The following ZNF665 variants were observed in gnomAD, a reference collection of about 807,000 sequenced individuals.
ZNF665 encodes the protein zinc finger protein 665.
ZNF665 carries 6 observed loss-of-function variants against 7.9 expected under a neutral mutation model. The observed-to-expected ratio is 0.76, with a 90% CI of 0.42 to 1.50. The LOEUF is 1.50. Ranked by LOEUF, ZNF665 falls within the 40% of genes most tolerant of loss-of-function variation. The probability of loss-of-function intolerance (pLI) is 0.01; values close to 1 mark genes in which losing one functional copy is unlikely to be tolerated. For missense variants in ZNF665, 819 were observed against 806.7 expected (o/e 1.02, Z -0.18); for synonymous variants, 242 against 274.5 (o/e 0.88, Z 1.17).
intron 2 of ZNF665, chr19:53,182,548 C>A: frequency 1.5e-6 from 1 of 678,718 alleles, no homozygotes; most frequent in East Asian, 2.7e-5. Flanking sequence ...TCTCTTATCA[C>A]AGTTTACACA....
At chr19:53,193,241 C>T (rs1009039083) in intron 1 of ZNF665, 71 bp downstream of exon 1, 3 of 152,156 alleles carry the variant, frequency 2.0e-5, no homozygotes, top group African/African-American at 7.2e-5. Context: ...CTATACGAAC[C>T]CCCGGACATC....
chr19:53,181,954 A>C (rs2090740573), intron 2 of ZNF665: 1 of 152,290 alleles, frequency 6.6e-6, no homozygotes, highest in Non-Finnish European at 1.5e-5. Context: ...ATGCAGTGTC[A>C]CTGCAAGAAA....
intron 2 of ZNF665, 28 bp from the exon 3 acceptor site, chr19:53,175,599 T>C (rs1221810582): frequency 6.3e-7 from 1 of 1,576,750 alleles, no homozygotes; most frequent in African/African-American, 1.4e-5. Context: ...TTTCACCAAG[T>C]GACTATGAGG....
chr19:53,177,771 A>G (rs997055583), intron 2 of ZNF665, among the ~76,000 whole-genome samples: 1 of 152,208 alleles, frequency 6.6e-6, no homozygotes, highest in African/African-American at 2.4e-5. Context: ...GGATTTAAGA[A>G]CAATGCCCAT....
intron 1 of ZNF665, among the ~76,000 whole-genome samples, chr19:53,192,497 T>C (rs1285728123): frequency 1.3e-5 from 2 of 152,206 alleles, no homozygotes; most frequent in African/African-American, 4.8e-5. Context: ...CTCCAGTTGT[T>C]TCTCCATCCT....
At chr19:53,171,457 C>T (rs867370206) in intron 3 of ZNF665, among the ~76,000 whole-genome samples, 11 of 133,764 alleles carry the variant, frequency 8.2e-5, no homozygotes, top group Middle Eastern at 4.3e-3. Context: ...AAAATTAGTT[C>T]TATACAATTA....
At position 53,165,724 on chromosome 19, in the gene ZNF665, G is replaced by T. The variant is rs771945160; in HGVS notation, c.766C>A (p.His256Asn). The change falls in exon 4 of 4, where the codon CAT becomes AAT. Residue 256 changes from histidine to asparagine, a missense_variant. Physicochemically the swap from His to Asn is moderately conservative, Grantham distance 68 (BLOSUM62 1). Transcript: ENST00000396424. The stretch of plus-strand genomic sequence containing the variant: ...CACTTGTAAGGTTTCTCTCCAGTAT[G>T]AATTCTCTGATGACCTGCAAGGTTT... ...PSNLAGHQRI[H>N]TGEKPYKCNE... 1 of 1,614,148 alleles carries T rather than the reference G, an allele frequency of 6.2e-7. No individual in the cohort carries two copies. Among genetic ancestry groups the T allele is most frequent in the Non-Finnish European group, 8.5e-7 (1 of 1,180,034 alleles).
In ZNF665 at chr19:53,162,846, C is replaced by G. The variant is rs1270600084; in HGVS notation, c.*1607G>C. On this transcript the variant is annotated 3_prime_UTR_variant, in exon 4 of 4. Transcript: ENST00000396424. ...CCAGCCTGGGCAACAGAACAAGACTCCATCTCAAAAAAAAAAAAAAAAATC... is the reference window on the plus strand; with the variant it reads ...CCAGCCTGGGCAACAGAACAAGACTGCATCTCAAAAAAAAAAAAAAAAATC... The G allele has an allele frequency of 8.8e-6, 1 of 113,696 alleles. No individual in the cohort carries two copies. Among genetic ancestry groups the G allele is most frequent in the Non-Finnish European group, 2.0e-5 (1 of 50,468 alleles). The allele number at this position is 113,696 out of a possible 1,614,324, so 7.0% of individuals were successfully genotyped here.
intron 1 of ZNF665, among the ~76,000 whole-genome samples, chr19:53,189,057 G>GTGTGTC (rs139105053): frequency 0.17 from 26,154 of 150,392 alleles, 2,674 homozygotes; most frequent in South Asian, 0.32. Context: ...TTTTCTGTGT[G>GTGTGTC]TGTGTGTGTG....
chr19:53,179,277 G>T (rs948751093), intron 2 of ZNF665, among the ~76,000 whole-genome samples: 1 of 150,894 alleles, frequency 6.6e-6, no homozygotes, highest in Non-Finnish European at 1.5e-5. Flanking sequence ...TCGGGAGGCT[G>T]AGGCAGGAGA....
At position 53,166,085 on chromosome 19, in the gene ZNF665, C is replaced by T. The variant is rs1375523031; in HGVS notation, c.405G>A (p.Arg135=). 1.9e-6 allele frequency: 3 copies of T among 1,614,038 alleles called. No individual in the cohort carries two copies. Among genetic ancestry groups the T allele is most frequent in the Middle Eastern group, 1.6e-4 (1 of 6,062 alleles). The change falls in exon 4 of 4, where the codon AGG becomes AGA. Residue 135 remains arginine, a synonymous_variant. Transcript: ENST00000396424. ...AQRDRRAAGN[R]HIENQLGVSF... ...TTACTCCAAGCTGATTTTCAATATG[C>T]CTGTTTCCTGCAGCCCTTCTATCAC...
intron 1 of ZNF665, among the ~76,000 whole-genome samples, chr19:53,185,692 A>C (rs2090772893): frequency 6.6e-6 from 1 of 152,078 alleles, no homozygotes; most frequent in Non-Finnish European, 1.5e-5. Flanking sequence ...TTTAGGGAAC[A>C]GAAAAATCAA....
rs757785534 is a variant in ZNF665 at position 53,166,307 on chromosome 19, C to G, written c.183G>C (p.Lys61Asn). ...ACGCTTCTCCCATATTGTTCTTCCCCTTTGGTGGCAAATCCGTGTTTACAC... is the reference window on the plus strand; with the variant it reads ...ACGCTTCTCCCATATTGTTCTTCCCGTTTGGTGGCAAATCCGTGTTTACAC... ...CKCVNTDLPP[K>N]GKNNMGEAFY... The change falls in exon 4 of 4, where the codon AAG becomes AAC. Residue 61 changes from lysine (K) to asparagine (N), a missense_variant. Transcript: ENST00000396424. 20 of 1,595,872 alleles carry G rather than the reference C, an allele frequency of 1.3e-5. No individual in the cohort carries two copies. In the East Asian group the frequency reaches 4.5e-4, roughly 36 times the overall value.
At chr19:53,176,847 T>C (rs912668449) in intron 2 of ZNF665, among the ~76,000 whole-genome samples, 3 of 152,184 alleles carry the variant, frequency 2.0e-5, no homozygotes, top group Admixed American at 6.5e-5. Flanking sequence ...TGGCTGGGCA[T>C]GGTGGCTCAC....
intron 3 of ZNF665, among the ~76,000 whole-genome samples, chr19:53,174,979 G>GAAAGA (rs1555804466): frequency 2.2e-5 from 3 of 138,492 alleles, no homozygotes; most frequent in Non-Finnish European, 4.7e-5. Context: ...AAGAAAGAAA[G>GAAAGA]AAAAAAAAAA....
chr19:53,175,087 T>G (rs1044698278), intron 3 of ZNF665, among the ~76,000 whole-genome samples: 2 of 151,978 alleles, frequency 1.3e-5, no homozygotes, highest in African/African-American at 4.8e-5. Flanking sequence ...ATTTCAACAG[T>G]TGATCCACGG....
chr19:53,171,504 G>GTGTGTGTATATATATATATA (rs140482885), intron 3 of ZNF665, among the ~76,000 whole-genome samples: 1 of 57,778 alleles, frequency 1.7e-5, no homozygotes, highest in Non-Finnish European at 3.3e-5. Context: ...GTGTGTGTGT[G>GTGTGTGTATATATATATATA]TATATATATA....
chr19:53,183,835 G>A (rs761600917), intron 1 of ZNF665, among the ~76,000 whole-genome samples: 75 of 152,130 alleles, frequency 4.9e-4, no homozygotes, highest in Non-Finnish European at 8.8e-5. Context: ...AAAGGAAAGG[G>A]GCCTGAGTGG....
At chr19:53,182,114 T>A (rs2090741923) in intron 2 of ZNF665, 1 of 153,152 alleles carries the variant, frequency 6.5e-6, no homozygotes, top group Admixed American at 6.5e-5. Context: ...ACGCCTGTAA[T>A]CCCAGCACTT....
Sources: gnomAD v4.1 joint callset for allele counts (sites outside exome capture counted in the v4.1 genomes callset) on GRCh38, gnomAD v4.1.1 for gene constraint, MANE v1.5 for transcripts, NCBI Gene and HGNC (gene_info 2026-07-23, HGNC 2026-07-21) for gene names.